Variants in B9D1 observed in about 807,000 individuals in gnomAD.
B9D1 encodes the protein B9 domain-containing protein 1.
A neutral mutation model predicts 26.1 loss-of-function variants in B9D1; 20 were observed. The ratio of observed to expected loss-of-function variants is 0.77; its 90% confidence interval spans 0.54 to 1.12. The LOEUF is 1.12. Ranked by LOEUF, B9D1 falls within the 50% of genes most tolerant of loss-of-function variation. The pLI is 0.00. For missense variants in B9D1, 260 were observed against 273.7 expected (o/e 0.95, Z 0.35); for synonymous variants, 105 against 103.1 (o/e 1.02, Z -0.11).
chr17:19,367,024 T>C (rs1911625614), upstream of B9D1, among the ~76,000 whole-genome samples: 1 of 152,142 alleles, frequency 6.6e-6, no homozygotes, highest in Non-Finnish European at 1.5e-5. Flanking sequence ...TCACGAGACA[T>C]GTAGGTCTCT....
At chr17:19,350,309 G>A (rs1054890514) in intron 3 of B9D1, among the ~76,000 whole-genome samples, 1 of 152,136 alleles carries the variant, frequency 6.6e-6, no homozygotes, top group African/African-American at 2.4e-5. Flanking sequence ...ACTTTGGGAG[G>A]CTGAGGCAGG....
At chr17:19,343,484 A>G (rs1259263534) in intron 6 of B9D1, 23 bp from the exon 7 acceptor site, 1 of 1,614,102 alleles carries the variant, frequency 6.2e-7, no homozygotes. Context: ...GGGCAGCATC[A>G]GCCAGGCTGG....
chr17:19,366,473 C>G (rs1459784738), upstream of B9D1, among the ~76,000 whole-genome samples: 1 of 152,094 alleles, frequency 6.6e-6, no homozygotes, highest in Non-Finnish European at 1.5e-5. Context: ...CTTTACACCC[C>G]CACGAAGTCC....
intron 2 of B9D1, among the ~76,000 whole-genome samples, 186 bp from the exon 3 acceptor site, chr17:19,358,137 C>T (rs868792904): frequency 6.6e-6 from 1 of 152,036 alleles, no homozygotes; most frequent in Admixed American, 6.6e-5. Flanking sequence ...ACTTTAACGC[C>T]GTAGCTTGAC....
At chr17:19,338,587 A>G (rs570733177), downstream of B9D1, among the ~76,000 whole-genome samples, 1 of 152,314 alleles carries the variant, frequency 6.6e-6, no homozygotes, top group South Asian at 2.1e-4. Flanking sequence ...TGGCCATATG[A>G]CTAGATGGGG....
At chr17:19,354,420 A>G (rs1910055927) in intron 3 of B9D1, among the ~76,000 whole-genome samples, 3 of 152,270 alleles carry the variant, frequency 2.0e-5, no homozygotes, top group Admixed American at 2.0e-4. Context: ...ATAGAGCTCA[A>G]TATTTGTTCA....
In B9D1 at chr17:19,359,822, A is replaced by G. The variant is rs1910814326; in HGVS notation, c.132+498T>C. Among the ~76,000 whole-genome samples the G allele has an allele frequency of 1.3e-5, 2 of 152,232 alleles. No homozygotes were observed. The highest frequency in any genetic ancestry group is 2.4e-5 in the African/African-American group (1 of 41,462). ...TTCAGTCTCCTTTTCTTAAACTGCT[A>G]TGAAGATGAAACAAGTGCTTTGCAA... On this transcript the variant is annotated intron_variant, in intron 2 of 6. Transcript: ENST00000261499. The surrounding 1 kb of genome is among the most constrained non-coding windows in gnomAD (Gnocchi z 5.0).
chr17:19,337,493 G>T (rs941102895), downstream of B9D1: 1 of 513,318 alleles, frequency 1.9e-6, no homozygotes, highest in Non-Finnish European at 3.5e-6. Flanking sequence ...CTGGCTCCTG[G>T]TGTCCACCCA....
chr17:19,339,971 T>C (rs577824268), downstream of B9D1, among the ~76,000 whole-genome samples: 6 of 148,360 alleles, frequency 4.0e-5, no homozygotes, highest in East Asian at 1.3e-3. Flanking sequence ...GGACAGCAAG[T>C]AAGCGTGGAC....
At chr17:19,341,342 G>A, downstream of B9D1, 4 of 1,230,650 alleles carry the variant, frequency 3.3e-6, no homozygotes, top group South Asian at 1.6e-4. Flanking sequence ...ATAAAATGGG[G>A]CAGAGGACAG....
At chr17:19,338,896 T>C (rs575189586), downstream of B9D1, among the ~76,000 whole-genome samples, 100 of 152,290 alleles carry the variant, frequency 6.6e-4, no homozygotes, top group African/African-American at 2.3e-3. Flanking sequence ...ATGATAGTGG[T>C]TTTAAGTGAC....
At chr17:19,374,032 G>A (rs1452966707) in intron 1 of B9D1, among the ~76,000 whole-genome samples, 3 of 152,198 alleles carry the variant, frequency 2.0e-5, no homozygotes, top group Non-Finnish European at 4.4e-5. Context: ...TGCAGGAAAC[G>A]TGAGCCAAGT....
At chr17:19,342,491 A>G (rs1304900311), downstream of B9D1, among the ~76,000 whole-genome samples, 1 of 152,122 alleles carries the variant, frequency 6.6e-6, no homozygotes, top group Non-Finnish European at 1.5e-5. Context: ...CCGAAAGCTC[A>G]GTGGCAGGGC....
chr17:19,357,645 T>G, intron 3 of B9D1, 195 bp downstream of exon 3: 1 of 626,438 alleles, frequency 1.6e-6, no homozygotes, highest in Non-Finnish European at 2.9e-6. Context: ...CTGTAGCAGA[T>G]GAAGGGGGTG....
At chr17:19,338,172 G>A (rs914270831), downstream of B9D1, among the ~76,000 whole-genome samples, 5 of 152,246 alleles carry the variant, frequency 3.3e-5, no homozygotes, top group African/African-American at 1.2e-4. Flanking sequence ...TCCATTTGGA[G>A]GAGCAGAGAA....
At chr17:19,341,469 GAAGA>G (rs943852691), downstream of B9D1, 7 of 474,886 alleles carry the variant, frequency 1.5e-5, no homozygotes, top group Admixed American at 4.4e-5. Flanking sequence ...GAGAAGGGGA[GAAGA>G]AAGACCCTTG....
chr17:19,374,985 T>TAA (rs2152285871), intron 1 of B9D1, among the ~76,000 whole-genome samples: 1 of 152,228 alleles, frequency 6.6e-6, no homozygotes, highest in East Asian at 1.9e-4. Flanking sequence ...AAAAGGCAAA[T>TAA]AATCCAATTA....
chr17:19,358,461 C>G, intron 2 of B9D1, among the ~76,000 whole-genome samples: 1 of 152,230 alleles, frequency 6.6e-6, no homozygotes, highest in Non-Finnish European at 1.5e-5. Flanking sequence ...TCTTTTGTGA[C>G]CCCACTCCAA....
upstream of B9D1, among the ~76,000 whole-genome samples, chr17:19,367,672 A>G (rs191630843): frequency 3.2e-4 from 48 of 152,292 alleles, no homozygotes; most frequent in African/African-American, 9.9e-4. Flanking sequence ...TGTCTTTGCA[A>G]ATGTTGTTCC....
Sources: gnomAD v4.1 joint callset for allele counts (sites outside exome capture counted in the v4.1 genomes callset) on GRCh38, gnomAD v4.1.1 for gene constraint, Gnocchi (gnomAD v3.1) non-coding constraint, MANE v1.5 for transcripts, NCBI Gene and HGNC (gene_info 2026-07-23, HGNC 2026-07-21) for gene names.